DCTN5: variants seen among roughly 807,000 people sequenced by gnomAD.
DCTN5 encodes the protein dynactin 4.
DCTN5 carries 14 observed loss-of-function variants against 23.5 expected under a neutral mutation model. That is an observed-to-expected ratio of 0.60 (90% CI 0.39 to 0.93). The LOEUF (loss-of-function observed/expected upper bound fraction) is 0.93. Among genes scored for constraint, DCTN5 ranks in the 40% least tolerant of loss-of-function variants. DCTN5 has a pLI of 0.00. For missense variants in DCTN5, 156 were observed against 225.9 expected, an observed-to-expected ratio of 0.69 and a Z score of 1.98; for synonymous variants, 67 against 79.6, an observed-to-expected ratio of 0.84 and a Z score of 0.84.
chr16:23,677,269 G>A lies in DCTN5; in HGVS notation c.*10125G>A, dbSNP rs1008983404. ...TACATCATCAGACTAGGAGGTGGTG[G>A]TGTTGGCACCCCCCAGCACAGGGCA... On this transcript the variant is annotated 3_prime_UTR_variant, in exon 6 of 6. Transcript: ENST00000300087. 1 of 152,074 alleles carries A rather than the reference G, an allele frequency of 6.6e-6. No individual in the cohort carries two copies. The highest frequency in any genetic ancestry group is 1.5e-5 in the Non-Finnish European group (1 of 67,928). 9.4% of individuals were successfully genotyped at this position (152,074 alleles called of 1,614,324 possible). A position where few individuals can be genotyped will look rare whatever the true frequency, so the allele number is the denominator to read the frequency against.
At position 23,675,761 on chromosome 16, in the gene DCTN5, G is replaced by A. The variant is rs1968076169; in HGVS notation, c.*8617G>A. 1 of 152,222 alleles carries A rather than the reference G, an allele frequency of 6.6e-6. No individual in the cohort carries two copies. Among genetic ancestry groups the A allele is most frequent in the Non-Finnish European group, 1.5e-5 (1 of 68,038 alleles). 9.4% of individuals were successfully genotyped at this position (152,222 alleles called of 1,614,324 possible). On this transcript the variant is annotated 3_prime_UTR_variant, in exon 6 of 6. Coordinates refer to ENST00000300087, the MANE Select transcript of DCTN5 (RefSeq NM_032486.4). ...TTTCCATGTGCTGTGAGTGCTTTGA[G>A]TTCAGACTGACAACAGAGTGGGTCT...
chr16:23,642,860 T>C (rs1967327059), intron 1 of DCTN5, 95 bp from the exon 2 acceptor site: 1 of 1,127,852 alleles, frequency 8.9e-7, no homozygotes, highest in Non-Finnish European at 1.3e-6. Context: ...CCACTTTATG[T>C]TTTTTTCTCT....
rs1157767776 is a variant in DCTN5, at chr16:23,675,154, G to A, written c.*8010G>A. On this transcript the variant is annotated 3_prime_UTR_variant, in exon 6 of 6. Transcript: ENST00000300087. Reference sequence around the variant, plus strand: ...ATTACCAATTTCTGAATGTCTTTCTGGTTAAGTTGCATAAAAACGTTTATC... The same window carrying A: ...ATTACCAATTTCTGAATGTCTTTCTAGTTAAGTTGCATAAAAACGTTTATC... The A allele has an allele frequency of 6.6e-6, 1 of 151,904 alleles. No individual in the cohort carries two copies. The highest frequency in any genetic ancestry group is 1.5e-5 in the Non-Finnish European group (1 of 67,994). The allele number at this position is 151,904 out of a possible 1,614,324, so 9.4% of individuals were successfully genotyped here.
At chr16:23,643,226 C>T (rs958943936) in intron 2 of DCTN5, among the ~76,000 whole-genome samples, 2 of 151,406 alleles carry the variant, frequency 1.3e-5, no homozygotes, top group African/African-American at 4.9e-5. Context: ...CAGTCTCACT[C>T]TGTCGCCCAG....
intron 2 of DCTN5, among the ~76,000 whole-genome samples, chr16:23,652,594 T>G (rs1967625668): frequency 6.6e-6 from 1 of 152,218 alleles, no homozygotes; most frequent in African/African-American, 2.4e-5. Context: ...CAACCACTAC[T>G]ACAATCAAGA....
chr16:23,666,593 A>C (rs112896273), intron 5 of DCTN5: 2 of 183,508 alleles, frequency 1.1e-5, no homozygotes, highest in African/African-American at 2.4e-5. Flanking sequence ...GAAATCATGT[A>C]GCATATACAG....
At chr16:23,665,989 G>A in intron 5 of DCTN5, 3 of 479,372 alleles carry the variant, frequency 6.3e-6, no homozygotes, top group Non-Finnish European at 1.1e-5. Context: ...CTGTGAGATT[G>A]CACGGGTTAA....
rs1237945814 is a variant in DCTN5 at position 23,675,229 on chromosome 16, A to G, written c.*8085A>G. The G allele has an allele frequency of 6.6e-6, 1 of 152,166 alleles. No homozygotes were observed. Among genetic ancestry groups the G allele is most frequent in the African/African-American group, 2.4e-5 (1 of 41,440 alleles). The allele number at this position is 152,166 out of a possible 1,614,324, so 9.4% of individuals were successfully genotyped here. A position where few individuals can be genotyped will look rare whatever the true frequency, so the allele number is the denominator to read the frequency against. ...AAAAAAAAAAATGTTGGCCAGGCGC[A>G]GTGATGGATGCATATGATCCCAGCA... On this transcript the variant is annotated 3_prime_UTR_variant, in exon 6 of 6. Transcript: ENST00000300087.
At chr16:23,665,578 T>A (rs1469555440) in intron 4 of DCTN5, 48 bp from the exon 5 acceptor site, 1 of 1,545,074 alleles carries the variant, frequency 6.5e-7, no homozygotes, top group African/African-American at 1.4e-5. Flanking sequence ...AAGGAGCCTT[T>A]CACACAGTAG....
At chr16:23,642,132 C>T (rs1269265429) in intron 1 of DCTN5, among the ~76,000 whole-genome samples, 3 of 152,084 alleles carry the variant, frequency 2.0e-5, no homozygotes, top group African/African-American at 4.8e-5. Flanking sequence ...GGGGTTTCAC[C>T]GTGTTGGCCA....
rs1389435746 is a variant in DCTN5 at position 23,675,087 on chromosome 16, G to C, written c.*7943G>C. 1 of 152,094 alleles carries C rather than the reference G, an allele frequency of 6.6e-6. No individual in the cohort carries two copies. The highest frequency in any genetic ancestry group is 2.4e-5 in the African/African-American group (1 of 41,412). 9.4% of individuals were successfully genotyped at this position (152,094 alleles called of 1,614,324 possible). On this transcript the variant is annotated 3_prime_UTR_variant, in exon 6 of 6. Coordinates refer to ENST00000300087, the MANE Select transcript of DCTN5 (RefSeq NM_032486.4). ...GTACAGGTAGATGGTTAGGGCTTCA[G>C]CATGAATTTTTGTGGGGACATAATT...
At chr16:23,658,919 G>T (rs571209807) in intron 3 of DCTN5, among the ~76,000 whole-genome samples, 1 of 152,178 alleles carries the variant, frequency 6.6e-6, no homozygotes, top group Middle Eastern at 3.2e-3. Context: ...CCTCACAAGG[G>T]ACCGGAACCT....
In DCTN5 at chr16:23,645,091, A is replaced by ATCTATATC. The variant is rs1567228223; in HGVS notation, c.117+2069_117+2070insCTATATCT. Among the ~76,000 whole-genome samples, 4 of 13,420 alleles carry ATCTATATC rather than the reference A, an allele frequency of 3.0e-4. No homozygotes were observed. The East Asian group carries it at 7.9e-3, about 27-fold the overall frequency. 8.8% of individuals were successfully genotyped at this position (13,420 alleles called of 152,430 possible). ...CACTGCACCCAGCCTAACTATATAT[A>ATCTATATC]TATATATATATATATATATATATAT... On this transcript the variant is annotated intron_variant, in intron 2 of 5. Coordinates refer to ENST00000300087, the MANE Select transcript of DCTN5 (RefSeq NM_032486.4).
intron 2 of DCTN5, among the ~76,000 whole-genome samples, chr16:23,647,062 G>C (rs1037804541): frequency 6.6e-6 from 1 of 151,612 alleles, no homozygotes; most frequent in Non-Finnish European, 1.5e-5. Flanking sequence ...AATTCTATTT[G>C]GTTGGTCTGT....
Position 23,667,038 on chromosome 16 carries a change from T to C in DCTN5, c.452-9T>C. 5.0e-6 allele frequency: 8 copies of C among 1,613,744 alleles called. No individual in the cohort carries two copies. The highest frequency in any genetic ancestry group is 5.9e-6 in the Non-Finnish European group (7 of 1,179,956). On this transcript the variant is annotated splice_polypyrimidine_tract_variant and intron_variant, in intron 5 of 5. Coordinates refer to ENST00000300087, the MANE Select transcript of DCTN5 (RefSeq NM_032486.4). ...CAAGCTCCTTAGAGCTGGGTCTTTC[T>C]TTCCCCAGGACTCTTCTCAGGGGAG...
rs148281970 is a variant in DCTN5, at chr16:23,645,374, C to A, written c.117+2351C>A. On this transcript the variant is annotated intron_variant, in intron 2 of 5. Coordinates refer to ENST00000300087, the MANE Select transcript of DCTN5 (RefSeq NM_032486.4). ...TCCCGACCTCAGGTGATCTGCCCTCCTTGGCCTTCCAAAGTGCTGGAATTA... is the reference window on the plus strand; with the variant it reads ...TCCCGACCTCAGGTGATCTGCCCTCATTGGCCTTCCAAAGTGCTGGAATTA... Among the ~76,000 whole-genome samples the A allele has an allele frequency of 1.6e-3, 246 of 151,544 alleles. 1 individual carries two copies. The highest frequency in any genetic ancestry group is 5.4e-3 in the African/African-American group (225 of 41,342).
chr16:23,668,274 G>A lies in DCTN5; in HGVS notation c.*1130G>A, dbSNP rs1360376130. ...GCAGAACAGTTCAGCCTTGAGGTTA[G>A]AATTTAGCAGGAGCTATCCTGACTT... On this transcript the variant is annotated 3_prime_UTR_variant, in exon 6 of 6. Transcript: ENST00000300087. The A allele has an allele frequency of 6.6e-6, 1 of 152,252 alleles. No homozygotes were observed. 9.4% of individuals were successfully genotyped at this position (152,252 alleles called of 1,614,324 possible).
chr16:23,646,655 C>T (rs249855), intron 2 of DCTN5, among the ~76,000 whole-genome samples: 29,784 of 151,966 alleles, frequency 0.2, 3,217 homozygotes, highest in East Asian at 0.43. Flanking sequence ...CGGCTCACTG[C>T]AACCTCCGCC....
intron 2 of DCTN5, among the ~76,000 whole-genome samples, chr16:23,654,506 T>C (rs1967663827): frequency 6.6e-6 from 1 of 152,034 alleles, no homozygotes; most frequent in South Asian, 2.1e-4. Flanking sequence ...AAATAATGGG[T>C]ACTAGGCTTA....
Sources: gnomAD v4.1 joint callset for allele counts (sites outside exome capture counted in the v4.1 genomes callset) on GRCh38, gnomAD v4.1.1 for gene constraint, MANE v1.5 for transcripts, NCBI Gene and HGNC (gene_info 2026-07-23, HGNC 2026-07-21) for gene names.